NRG1: variants seen among roughly 807,000 people sequenced by gnomAD.
NRG1 encodes neuregulin 1.
NRG1 carries 18 observed loss-of-function variants against 63.8 expected under a neutral mutation model. The observed-to-expected ratio is 0.28, with a 90% CI of 0.19 to 0.42. NRG1 has a LOEUF of 0.42. Among genes scored for constraint, NRG1 ranks in the 10% least tolerant of loss-of-function variants. The probability of loss-of-function intolerance (pLI) is 1.00; values close to 1 mark genes in which losing one functional copy is unlikely to be tolerated. For synonymous variants in NRG1, 302 were observed against 301.3 expected (o/e 1.00, Z -0.02); for missense variants, 762 against 814.7 (o/e 0.94, Z 0.79).
intron 1 of NRG1, among the ~76,000 whole-genome samples, chr8:31,691,576 C>G (rs1257568925): frequency 4.8e-5 from 5 of 104,040 alleles, no homozygotes; most frequent in African/African-American, 1.5e-4. Flanking sequence ...GCCTGGGTGA[C>G]AGAGTGAGAC....
intron 5 of NRG1, among the ~76,000 whole-genome samples, chr8:32,617,192 C>A (rs1440119846): frequency 2.0e-5 from 3 of 152,156 alleles, no homozygotes; most frequent in Non-Finnish European, 2.9e-5. Flanking sequence ...TCCTGGCAAG[C>A]AGTAGAGCAC....
At chr8:32,768,701 G>A (rs931252816), downstream of NRG1, among the ~76,000 whole-genome samples, 1 of 152,136 alleles carries the variant, frequency 6.6e-6, no homozygotes, top group African/African-American at 2.4e-5. Context: ...ATAGATATTT[G>A]CATGGTACCC....
At chr8:32,634,806 G>A (rs1231642075) in intron 5 of NRG1, among the ~76,000 whole-genome samples, 1 of 152,102 alleles carries the variant, frequency 6.6e-6, no homozygotes, top group Non-Finnish European at 1.5e-5. Flanking sequence ...TCCATACTTT[G>A]TATCAGTATA....
chr8:32,423,226 G>T (rs1347013712), intron 1 of NRG1, among the ~76,000 whole-genome samples: 1 of 152,152 alleles, frequency 6.6e-6, no homozygotes, highest in Non-Finnish European at 1.5e-5. Context: ...AAAGGTTATT[G>T]TCTCCAGGAC....
chr8:31,760,331 C>G, intron 1 of NRG1, among the ~76,000 whole-genome samples: 1 of 152,094 alleles, frequency 6.6e-6, no homozygotes, highest in Non-Finnish European at 1.5e-5. Flanking sequence ...GCTTGTTTTT[C>G]TCAGGTTTGT....
chr8:32,741,232 A>T (rs1381129861), intron 6 of NRG1, among the ~76,000 whole-genome samples: 2 of 152,212 alleles, frequency 1.3e-5, no homozygotes, highest in Non-Finnish European at 1.5e-5. Flanking sequence ...AGTTAAATAT[A>T]TGTGAGTGAA....
At chr8:32,608,092 G>GTTTTTTTTTTTGTTTTTTT (rs1845606305) in intron 3 of NRG1, among the ~76,000 whole-genome samples, 1 of 106,158 alleles carries the variant, frequency 9.4e-6, no homozygotes, top group African/African-American at 3.4e-5. Context: ...GGTTTTTTTT[G>GTTTTTTTTTTTGTTTTTTT]TTTTTTTTTT....
At chr8:32,700,257 T>A (rs1215042105) in intron 5 of NRG1, among the ~76,000 whole-genome samples, 3 of 152,204 alleles carry the variant, frequency 2.0e-5, no homozygotes, top group African/African-American at 2.4e-5. Context: ...GTTTTTCTTT[T>A]CACTTTTAAT....
At chr8:32,474,663 T>TTG (rs996165149) in intron 1 of NRG1, among the ~76,000 whole-genome samples, 6 of 151,784 alleles carry the variant, frequency 4.0e-5, no homozygotes, top group Non-Finnish European at 5.9e-5. Flanking sequence ...TAGCTAATTT[T>TTG]TGTGTGTGTG....
At chr8:32,268,465 C>T (rs1851216128) in intron 1 of NRG1, among the ~76,000 whole-genome samples, 1 of 152,140 alleles carries the variant, frequency 6.6e-6, no homozygotes, top group South Asian at 2.1e-4. Context: ...ATGATTGATG[C>T]TGATTTGTTT....
intron 1 of NRG1, among the ~76,000 whole-genome samples, chr8:32,034,464 T>A (rs1378088913): frequency 6.6e-6 from 1 of 152,224 alleles, no homozygotes; most frequent in Non-Finnish European, 1.5e-5. Context: ...GCTGCCCTCA[T>A]GAAATGAGTT....
chr8:32,679,650 C>G (rs749504862), intron 5 of NRG1, among the ~76,000 whole-genome samples: 1 of 152,170 alleles, frequency 6.6e-6, no homozygotes, highest in Non-Finnish European at 1.5e-5. Context: ...CCAAAATAAT[C>G]TGATACCTAC....
intron 1 of NRG1, among the ~76,000 whole-genome samples, chr8:32,412,340 G>A (rs1815082274): frequency 6.7e-6 from 1 of 149,050 alleles, no homozygotes; most frequent in Non-Finnish European, 1.5e-5. Context: ...CAGATCTTAT[G>A]ACTTTCCAGT....
At chr8:31,657,706 A>C (rs549124958) in intron 1 of NRG1, among the ~76,000 whole-genome samples, 34 of 152,334 alleles carry the variant, frequency 2.2e-4, no homozygotes, top group Non-Finnish European at 4.4e-4. Flanking sequence ...ATGGCTGAAC[A>C]TGTTTACATA....
At chr8:31,854,972 A>G (rs147263170) in intron 1 of NRG1, among the ~76,000 whole-genome samples, 18,542 of 152,164 alleles carry the variant, frequency 0.12, 1,284 homozygotes, top group Admixed American at 0.19. Flanking sequence ...CTGTGATCTG[A>G]GAGATAGTTT....
intron 1 of NRG1, among the ~76,000 whole-genome samples, chr8:32,366,373 GTAACTA>G (rs1807982423): frequency 6.6e-6 from 1 of 151,786 alleles, no homozygotes; most frequent in Non-Finnish European, 1.5e-5. Flanking sequence ...TCAGCCTCTA[GTAACTA>G]CCATTTTACT....
chr8:32,501,945 A>G (rs1451861506), intron 1 of NRG1, among the ~76,000 whole-genome samples: 1 of 152,218 alleles, frequency 6.6e-6, no homozygotes, highest in Non-Finnish European at 1.5e-5. Flanking sequence ...TAGGCAATAT[A>G]GTGAGACCCT....
At chr8:31,985,071 G>A (rs552325955) in intron 1 of NRG1, among the ~76,000 whole-genome samples, 6 of 152,104 alleles carry the variant, frequency 3.9e-5, no homozygotes, top group African/African-American at 1.4e-4. Flanking sequence ...ATAGAGAGAA[G>A]AAATAAACAA....
chr8:32,566,990 G>A (rs2129527939), intron 1 of NRG1, among the ~76,000 whole-genome samples: 1 of 152,210 alleles, frequency 6.6e-6, no homozygotes. Context: ...TTATAAGCAG[G>A]CACCACCACA....
Sources: gnomAD v4.1 joint callset for allele counts (sites outside exome capture counted in the v4.1 genomes callset) on GRCh38, gnomAD v4.1.1 for gene constraint, MANE v1.5 for transcripts, NCBI Gene and HGNC (gene_info 2026-07-23, HGNC 2026-07-21) for gene names.